RALYL: variants seen among roughly 807,000 people sequenced by gnomAD.
RALYL encodes the protein RALY RNA binding protein like.
RALYL carries 29 observed loss-of-function variants against 35.1 expected under a neutral mutation model. The observed-to-expected ratio is 0.83, with a 90% CI of 0.61 to 1.13. The LOEUF is 1.13. Ranked by LOEUF, RALYL falls within the 50% of genes most tolerant of loss-of-function variation. The pLI is 0.00. For missense variants in RALYL, 359 were observed against 360.4 expected (o/e 1.00, Z 0.03); for synonymous variants, 120 against 127.6 (o/e 0.94, Z 0.40).
intron 2 of RALYL, among the ~76,000 whole-genome samples, chr8:84,728,608 G>C (rs1456067876): frequency 6.6e-6 from 1 of 152,126 alleles, no homozygotes; most frequent in Non-Finnish European, 1.5e-5. Context: ...ATGGTTTTAG[G>C]TGTGAGGTTT....
At position 84,468,683 on chromosome 8, in the gene RALYL, G is replaced by A. The variant is rs897167883; in HGVS notation, c.-23-60616G>A. Among the ~76,000 whole-genome samples the A allele has an allele frequency of 2.8e-3, 423 of 149,536 alleles. 1 individual carries two copies. Among genetic ancestry groups the A allele is most frequent in the African/African-American group, 9.9e-3 (406 of 40,936 alleles). On this transcript the variant is annotated intron_variant, in intron 1 of 8. Coordinates refer to ENST00000521268, the MANE Select transcript of RALYL (RefSeq NM_173848.7). ...TTCTCTGTATTTCCTGAATCTGAAC[G>A]TTGGCCTGCCTTGCTAGACTGGGGA...
intron 8 of RALYL, among the ~76,000 whole-genome samples, chr8:84,912,063 G>C (rs995733558): frequency 2.6e-5 from 4 of 152,056 alleles, no homozygotes; most frequent in Non-Finnish European, 5.9e-5. Context: ...CTTGAGGTCA[G>C]TGGGTGGGGC....
chr8:84,338,342 C>T (rs892920848), intron 1 of RALYL, among the ~76,000 whole-genome samples: 5 of 151,114 alleles, frequency 3.3e-5, no homozygotes, highest in Admixed American at 1.3e-4. Flanking sequence ...ATTAATTGTA[C>T]TAGGGACATG....
intron 1 of RALYL, among the ~76,000 whole-genome samples, chr8:84,279,102 G>A (rs1012690981): frequency 2.0e-5 from 3 of 152,170 alleles, no homozygotes; most frequent in Non-Finnish European, 2.9e-5. Context: ...AGAAGCAAAA[G>A]CATGGCTTAC....
intron 1 of RALYL, among the ~76,000 whole-genome samples, chr8:84,335,822 T>G (rs1847708214): frequency 6.6e-6 from 1 of 151,866 alleles, no homozygotes; most frequent in Admixed American, 6.6e-5. Context: ...GCTATTTTGG[T>G]TTCTGCTTTT....
At chr8:84,480,141 T>C (rs993986146) in intron 1 of RALYL, among the ~76,000 whole-genome samples, 4 of 152,174 alleles carry the variant, frequency 2.6e-5, no homozygotes, top group African/African-American at 9.6e-5. Flanking sequence ...TATTTGATTA[T>C]TAATTAATTA....
intron 1 of RALYL, among the ~76,000 whole-genome samples, chr8:84,423,150 G>A (rs2045882119): frequency 6.6e-6 from 1 of 150,862 alleles, no homozygotes; most frequent in Admixed American, 6.6e-5. Flanking sequence ...ACAGTGGGGT[G>A]TTAAAGTCTC....
intron 1 of RALYL, among the ~76,000 whole-genome samples, chr8:84,387,687 C>G (rs895752150): frequency 7.3e-5 from 11 of 151,716 alleles, no homozygotes; most frequent in Non-Finnish European, 1.5e-4. Flanking sequence ...ATCTTTCTGA[C>G]AAAGGACATA....
intron 1 of RALYL, among the ~76,000 whole-genome samples, chr8:84,468,453 A>T (rs1222662547): frequency 6.7e-6 from 1 of 150,000 alleles, no homozygotes; most frequent in Non-Finnish European, 1.5e-5. Context: ...CTTTTCTTTA[A>T]GAATGTTGAA....
At position 84,411,953 on chromosome 8, in the gene RALYL, A is replaced by T. The variant is rs562680567; in HGVS notation, c.-23-117346A>T. 3.4e-4 allele frequency among the ~76,000 whole-genome samples: 52 copies of T among 152,030 alleles called. No individual in the cohort carries two copies. The South Asian group carries it at 0.01, about 30-fold the overall frequency. On this transcript the variant is annotated intron_variant, in intron 1 of 8. Transcript: ENST00000521268. ...TGTATCCTCATTTGGTAAGTTATTT[A>T]AAAAAATTATCTCTAGTACAGTAAA...
At chr8:84,792,739 A>G (rs1821094707) in intron 3 of RALYL, among the ~76,000 whole-genome samples, 1 of 152,176 alleles carries the variant, frequency 6.6e-6, no homozygotes, top group Non-Finnish European at 1.5e-5. Flanking sequence ...CCCTGGGGCC[A>G]GCTTAGGTTT....
At chr8:84,818,376 T>C (rs1230780306) in intron 4 of RALYL, among the ~76,000 whole-genome samples, 2 of 152,138 alleles carry the variant, frequency 1.3e-5, no homozygotes, top group Non-Finnish European at 2.9e-5. Flanking sequence ...TTAAAGAAAC[T>C]GGTCAGATTA....
At chr8:84,835,989 A>G (rs1275104392) in intron 4 of RALYL, among the ~76,000 whole-genome samples, 1 of 152,152 alleles carries the variant, frequency 6.6e-6, no homozygotes, top group Non-Finnish European at 1.5e-5. Context: ...AATGTTGAAG[A>G]GATCTGTATG....
At chr8:84,848,074 T>G (rs1458322914) in intron 4 of RALYL, among the ~76,000 whole-genome samples, 1 of 152,228 alleles carries the variant, frequency 6.6e-6, no homozygotes, top group African/African-American at 2.4e-5. Flanking sequence ...AAATATAAAA[T>G]TATTCCTCCA....
intron 5 of RALYL, among the ~76,000 whole-genome samples, chr8:84,852,527 TAA>T (rs1268832223): frequency 4.6e-5 from 7 of 152,196 alleles, no homozygotes; most frequent in Non-Finnish European, 7.4e-5. Context: ...TTGCTACGAA[TAA>T]AGTTTTCAAT....
chr8:84,708,526 A>G (rs1841604969), intron 2 of RALYL, among the ~76,000 whole-genome samples: 1 of 152,166 alleles, frequency 6.6e-6, no homozygotes, highest in Admixed American at 6.6e-5. Context: ...CATATATCAG[A>G]TGCTGATATT....
intron 1 of RALYL, among the ~76,000 whole-genome samples, chr8:84,527,276 G>A (rs2058970494): frequency 6.6e-6 from 1 of 152,172 alleles, no homozygotes; most frequent in Non-Finnish European, 1.5e-5. Flanking sequence ...AAAGAACAGA[G>A]CAGAGTCCAA....
rs375096277 is a variant in RALYL, at chr8:84,294,766, TA to T, written c.-24+110353del. ...ACAGAGAAGTGGGTTAACTTTGTAC[TA>T]AAAAAAAAAAGAATCTGGGAAGACC... On this transcript the variant is annotated intron_variant, in intron 1 of 8. Transcript: ENST00000521268. 9.2e-3 allele frequency among the ~76,000 whole-genome samples: 1,328 copies of T among 144,472 alleles called. 20 individuals carry two copies. Among genetic ancestry groups the T allele is most frequent in the African/African-American group, 0.029 (1,143 of 39,770 alleles). 94.8% of individuals were successfully genotyped at this position (144,472 alleles called of 152,430 possible).
chr8:84,479,576 A>G (rs2053838452), intron 1 of RALYL, among the ~76,000 whole-genome samples: 1 of 152,124 alleles, frequency 6.6e-6, no homozygotes, highest in South Asian at 2.1e-4. Flanking sequence ...CAATTGATTG[A>G]TTGTTTCTGT....
Sources: allele counts gnomAD v4.1 joint callset (sites outside exome capture counted in the v4.1 genomes callset), GRCh38; gene constraint gnomAD v4.1.1; transcripts MANE v1.5; gene names NCBI Gene and HGNC (gene_info 2026-07-23, HGNC 2026-07-21).